The following ABL1 variants were observed in gnomAD, a reference collection of about 807,000 sequenced individuals.
ABL1 encodes ABL proto-oncogene 1, non-receptor tyrosine kinase, also known as tyrosine-protein kinase ABL1.
ABL1 carries 11 observed loss-of-function variants against 94.7 expected under a neutral mutation model. The ratio of observed to expected loss-of-function variants is 0.12; its 90% CI spans 0.07 to 0.19. The LOEUF (loss-of-function observed/expected upper bound fraction) is 0.19. Ranked by LOEUF, ABL1 falls within the 10% of genes least tolerant of loss-of-function variation. The pLI is 1.00. For missense variants in ABL1, 1,082 were observed against 1,489.4 expected (o/e 0.73, Z 4.50); for synonymous variants, 656 against 622.4 (o/e 1.05, Z -0.80).
rs758308579 is a variant in ABL1 at position 130,854,892 on chromosome 9, C to T, written c.345C>T (p.Tyr115=). Residue 115 remains tyrosine, a synonymous_variant, in exon 3 of 11, where the codon TAC becomes TAT. Transcript: ENST00000318560. ...GCCAAGGCTGGGTCCCAAGCAACTA[C>T]ATCACGCCAGTCAACAGTCTGGAGA... The part of the protein sequence containing the change: ...KNGQGWVPSN[Y]ITPVNSLEKH... 8 of 1,614,116 alleles carry T rather than the reference C, an allele frequency of 5.0e-6. No individual in the cohort carries two copies. The highest frequency in any genetic ancestry group is 2.7e-5 in the African/African-American group (2 of 74,926).
chr9:130,884,791 A>C lies in ABL1; in HGVS notation c.2501A>C (p.Glu834Ala), dbSNP rs1015590720. 1 of 1,609,996 alleles carries C rather than the reference A, an allele frequency of 6.2e-7. No individual in the cohort carries two copies. The highest frequency in any genetic ancestry group is 1.3e-5 in the African/African-American group (1 of 74,826). Residue 834 changes from glutamate to alanine, a missense_variant, in exon 11 of 11, where the codon GAA becomes GCA. By Grantham distance (107) the Glu-to-Ala change is moderately radical. Around this residue, in one of 7 missense-constraint regions of ABL1, gnomAD observed 780 missense variants for 835.8 expected, o/e 0.93. Transcript: ENST00000318560. This position sits in a 1 kb window ranked among gnomAD's most constrained non-coding sequence, Gnocchi z 5.6. ...CCTGCCTCGGGCCTCCCCCACAAGG[A>C]AGAAGCTGGAAAGGGCAGTGCCTTA... ...VAPASGLPHK[E>A]EAGKGSALGT...
upstream of ABL1, among the ~76,000 whole-genome samples, chr9:130,832,931 T>C (rs1455766036): frequency 6.6e-6 from 1 of 152,190 alleles, no homozygotes; most frequent in African/African-American, 2.4e-5. Context: ...TTTTTCAGTA[T>C]CCATTGCCAC....
intron 1 of ABL1, among the ~76,000 whole-genome samples, chr9:130,795,927 C>T (rs914658518): frequency 2.6e-5 from 4 of 152,236 alleles, no homozygotes; most frequent in South Asian, 2.1e-4. Context: ...CGCGGTGGCT[C>T]ATGCCTCTAA....
At chr9:130,873,438 G>A (rs752192670) in intron 6 of ABL1, among the ~76,000 whole-genome samples, 2 of 152,340 alleles carry the variant, frequency 1.3e-5, no homozygotes, top group South Asian at 4.1e-4. Flanking sequence ...CTTCCTGGGA[G>A]CCGCTGGCAT....
At chr9:130,789,737 T>C (rs1829879777) in intron 1 of ABL1, among the ~76,000 whole-genome samples, 1 of 152,180 alleles carries the variant, frequency 6.6e-6, no homozygotes, top group African/African-American at 2.4e-5. Context: ...TTTTTAAAAA[T>C]CAAATATAAT....
intron 1 of ABL1, among the ~76,000 whole-genome samples, chr9:130,845,322 A>G (rs971618758): frequency 6.6e-6 from 1 of 151,770 alleles, no homozygotes; most frequent in African/African-American, 2.4e-5. Context: ...TCCTATCCCC[A>G]TCAACAGTCC....
rs570720207 is a variant in ABL1 at position 130,752,764 on chromosome 9, G to A, written c.136+38309G>A. Among the ~76,000 whole-genome samples, 59 of 151,608 alleles carry A rather than the reference G, an allele frequency of 3.9e-4. No individual in the cohort carries two copies. In the South Asian group the frequency reaches 4.4e-3, roughly 11 times the overall value. Reference sequence around the variant, plus strand: ...ACTGGAGGCCAGGAGTTTGAGACCAGCCATGGCCAACATATGAAACCCCGT... The same window carrying A: ...ACTGGAGGCCAGGAGTTTGAGACCAACCATGGCCAACATATGAAACCCCGT... On this transcript the variant is annotated intron_variant, in intron 1 of 10. Coordinates refer to the ABL1 transcript ENST00000372348.
At chr9:130,815,216 C>A (rs1394216289) in intron 1 of ABL1, among the ~76,000 whole-genome samples, 1 of 152,040 alleles carries the variant, frequency 6.6e-6, no homozygotes, top group Non-Finnish European at 1.5e-5. Flanking sequence ...CGCCTGTAAT[C>A]CCAGCTACTC....
At chr9:130,756,381 C>T (rs1343044107) in intron 1 of ABL1, among the ~76,000 whole-genome samples, 3 of 151,764 alleles carry the variant, frequency 2.0e-5, no homozygotes, top group African/African-American at 7.3e-5. Flanking sequence ...TTCAGATTTC[C>T]CACACACTGT....
At chr9:130,754,831 C>T (rs1273780320) in intron 1 of ABL1, among the ~76,000 whole-genome samples, 1 of 152,086 alleles carries the variant, frequency 6.6e-6, no homozygotes, top group Non-Finnish European at 1.5e-5. Flanking sequence ...ATAGATAGGG[C>T]CTCTGCTCTC....
chr9:130,869,111 G>T (rs947552140), intron 4 of ABL1, among the ~76,000 whole-genome samples: 2 of 151,936 alleles, frequency 1.3e-5, no homozygotes, highest in African/African-American at 4.8e-5. Flanking sequence ...AGCTTGCAGT[G>T]AGCCGAGATC....
chr9:130,884,138 A>C lies in ABL1; in HGVS notation c.1848A>C (p.Lys616Asn). 2 of 1,613,546 alleles carry C rather than the reference A, an allele frequency of 1.2e-6. No individual in the cohort carries two copies. The highest frequency in any genetic ancestry group is 1.7e-4 in the Middle Eastern group (1 of 6,060). ...KKKKTAPTPP[K>N]RSSSFREMDG... ...AGAAGACAGCCCCAACCCCTCCCAA[A>C]CGCAGCAGCTCCTTCCGGGAGATGG... Residue 616 changes from lysine (K) to asparagine (N), a missense_variant, in exon 11 of 11, where the codon AAA becomes AAC. Lys to Asn is a moderately conservative substitution (Grantham distance 94). Coordinates refer to ENST00000318560, the MANE Select transcript of ABL1 (RefSeq NM_005157.6). The surrounding 1 kb of genome is among the most constrained non-coding windows in gnomAD (Gnocchi z 5.6).
In ABL1 at chr9:130,775,850, C is replaced by T. The variant is rs12685713; in HGVS notation, c.136+61395C>T. 6.8e-4 allele frequency among the ~76,000 whole-genome samples: 103 copies of T among 152,172 alleles called. No individual in the cohort carries two copies. The East Asian group carries it at 0.019, about 28-fold the overall frequency. On this transcript the variant is annotated intron_variant, in intron 1 of 10. Coordinates refer to the ABL1 transcript ENST00000372348. ...AGAAACTGATTACCTCCCAAGGAACCCTATTAAACTCAAAGGAGACTTCTC... is the reference window on the plus strand; with the variant it reads ...AGAAACTGATTACCTCCCAAGGAACTCTATTAAACTCAAAGGAGACTTCTC...
At chr9:130,813,456 G>T (rs751938870) in intron 1 of ABL1, among the ~76,000 whole-genome samples, 2 of 150,122 alleles carry the variant, frequency 1.3e-5, no homozygotes, top group African/African-American at 2.5e-5. Context: ...AGCTACTCAG[G>T]AGGCTGAGGC....
Position 130,884,127 on chromosome 9 carries a change from A to G in ABL1, c.1837A>G (p.Thr613Ala), listed in dbSNP as rs1588282865. The G allele has an allele frequency of 1.2e-6, 2 of 1,613,378 alleles. No individual in the cohort carries two copies. Among genetic ancestry groups the G allele is most frequent in the Admixed American group, 1.7e-5 (1 of 59,990 alleles). Residue 613 changes from threonine to alanine, a missense_variant, in exon 11 of 11, where the codon ACC becomes GCC. Thr to Ala is a moderately conservative substitution (Grantham distance 58). Transcript: ENST00000318560. This position sits in a 1 kb window ranked among gnomAD's most constrained non-coding sequence, Gnocchi z 5.6. ...CAAGAAGAAGAAGAAGACAGCCCCAACCCCTCCCAAACGCAGCAGCTCCTT... is the reference window on the plus strand; with the variant it reads ...CAAGAAGAAGAAGAAGACAGCCCCAGCCCCTCCCAAACGCAGCAGCTCCTT... ...LIKKKKKTAPTPPKRSSSFRE... is the reference protein window; with the variant it reads ...LIKKKKKTAPAPPKRSSSFRE...
At chr9:130,746,770 A>G (rs1831893873) in intron 1 of ABL1, among the ~76,000 whole-genome samples, 1 of 152,058 alleles carries the variant, frequency 6.6e-6, no homozygotes, top group Admixed American at 6.6e-5. Context: ...ATATGAACAT[A>G]ATTTTTTAAT....
At chr9:130,735,934 CAT>C (rs71389344) in intron 1 of ABL1, among the ~76,000 whole-genome samples, 32 of 80,208 alleles carry the variant, frequency 4.0e-4, no homozygotes, top group East Asian at 7.3e-4. Flanking sequence ...CATGTGTGTG[CAT>C]ATATATATAT....
intron 1 of ABL1, among the ~76,000 whole-genome samples, chr9:130,797,236 GAAAAA>G (rs71389356): frequency 3.6e-4 from 20 of 55,206 alleles, no homozygotes; most frequent in Non-Finnish European, 5.8e-4. Flanking sequence ...ACTCCATCTC[GAAAAA>G]AAAAAAAAAA....
At chr9:130,811,940 T>C (rs1451483679) in intron 1 of ABL1, among the ~76,000 whole-genome samples, 1 of 139,706 alleles carries the variant, frequency 7.2e-6, no homozygotes, top group Non-Finnish European at 1.6e-5. Flanking sequence ...AAAAAAAAGT[T>C]GGGATAAATA....
Sources: allele counts gnomAD v4.1 joint callset (sites outside exome capture counted in the v4.1 genomes callset), GRCh38; gene constraint gnomAD v4.1.1; regional missense constraint gnomAD v4.1.1; non-coding constraint Gnocchi (gnomAD v3.1); transcripts MANE v1.5; gene names NCBI Gene and HGNC (gene_info 2026-07-23, HGNC 2026-07-21).